The following EFL1 variants were observed in gnomAD, a reference collection of about 807,000 sequenced individuals.
The protein encoded by EFL1 is elongation factor like GTPase 1, also known as elongation factor-like GTPase 1.
In EFL1, 76 loss-of-function variants were observed where a neutral mutation model predicts 126.7. That is an observed-to-expected ratio of 0.60 (90% confidence interval 0.50 to 0.73). The LOEUF is 0.73. Among genes scored for constraint, EFL1 ranks in the 30% least tolerant of loss-of-function variants. The pLI, the probability that EFL1 is intolerant of heterozygous loss-of-function variation, is 0.00. For missense variants in EFL1, 1,128 were observed against 1,343.2 expected (o/e 0.84, Z 2.50); for synonymous variants, 410 against 448.4 (o/e 0.91, Z 1.08).
intron 3 of EFL1, among the ~76,000 whole-genome samples, chr15:82,258,444 A>C (rs1036419291): frequency 1.3e-5 from 2 of 152,116 alleles, no homozygotes; most frequent in African/African-American, 4.8e-5. Flanking sequence ...CCAGGTACCC[A>C]AGAGGCTGAG....
intron 8 of EFL1, among the ~76,000 whole-genome samples, chr15:82,229,358 T>G (rs1009742944): frequency 3.3e-5 from 5 of 152,188 alleles, no homozygotes; most frequent in African/African-American, 1.2e-4. Flanking sequence ...GTGGGTCATA[T>G]TACCATGGCT....
Position 82,241,360 on chromosome 15 carries a change from G to A in EFL1, c.288C>T (p.His96=), listed in dbSNP as rs1274107269. ...TTGATACTTCTGAGGAAAAGTCCAC[G>A]TGTCCTGGAGAGTCTATCAGATTGA... ...YLINLIDSPG[H]VDFSSEVSTA... is the part of the protein sequence containing the mutation. The change falls in exon 5 of 20, where the codon CAC becomes CAT. Residue 96 remains histidine, a synonymous_variant. Coordinates refer to ENST00000268206, the MANE Select transcript of EFL1 (RefSeq NM_024580.6). The A allele has an allele frequency of 1.1e-5, 17 of 1,613,870 alleles. No homozygotes were observed. Among genetic ancestry groups the A allele is most frequent in the Middle Eastern group, 1.6e-4 (1 of 6,080 alleles).
chr15:82,152,015 C>G lies in EFL1; in HGVS notation c.2439G>C (p.Gly813=). Residue 813 remains glycine (G), a synonymous_variant, in exon 18 of 20, where the codon GGG becomes GGC. Coordinates refer to ENST00000268206, the MANE Select transcript of EFL1 (RefSeq NM_024580.6). The part of the protein sequence containing the change: ...FKGKLEQHLT[G]RRWRNIVDQI... ...GGTCAACAATGTTCCTCCATCTTCT[C>G]CCTGTTAGGTGTTGCTCCAGTTTTC... 6.2e-7 allele frequency: 1 copy of G among 1,614,162 alleles called. No homozygotes were observed. The highest frequency in any genetic ancestry group is 8.5e-7 in the Non-Finnish European group (1 of 1,180,034).
intron 15 of EFL1, among the ~76,000 whole-genome samples, chr15:82,191,427 A>G (rs1294133138): frequency 6.6e-6 from 1 of 152,224 alleles, no homozygotes; most frequent in Non-Finnish European, 1.5e-5. Context: ...TTTGAAATAT[A>G]GAAGCTAAAA....
chr15:82,239,352 G>A (rs752987070), intron 6 of EFL1, among the ~76,000 whole-genome samples: 1 of 152,058 alleles, frequency 6.6e-6, no homozygotes, highest in Non-Finnish European at 1.5e-5. Flanking sequence ...TCGACAGGAT[G>A]GTCTCAATCT....
At chr15:82,176,322 G>T (rs150232184) in intron 15 of EFL1, among the ~76,000 whole-genome samples, 47 of 152,174 alleles carry the variant, frequency 3.1e-4, no homozygotes, top group African/African-American at 1.1e-3. Context: ...AGTCGTAAAA[G>T]AAAAAATTGA....
Position 82,163,921 on chromosome 15 carries a change from G to A in EFL1, c.1814C>T (p.Pro605Leu), listed in dbSNP as rs1317904588. ...SATLCSLPSCPPFIPLNFEAT... is the reference protein window; with the variant it reads ...SATLCSLPSCLPFIPLNFEAT... Reference sequence around the variant, plus strand: ...TTCGAAGTTGAGTGGTATAAATGGTGGGCAGGATGGCAGGCTACACAGTGT... The same window carrying A: ...TTCGAAGTTGAGTGGTATAAATGGTAGGCAGGATGGCAGGCTACACAGTGT... The change falls in exon 16 of 20, where the codon CCA becomes CTA. Residue 605 changes from proline to leucine, a missense_variant. Transcript: ENST00000268206. 6 of 1,614,110 alleles carry A rather than the reference G, an allele frequency of 3.7e-6. No homozygotes were observed. The highest frequency in any genetic ancestry group is 5.1e-6 in the Non-Finnish European group (6 of 1,180,002).
At chr15:82,227,956 C>T (rs2074781613) in intron 10 of EFL1, among the ~76,000 whole-genome samples, 1 of 152,062 alleles carries the variant, frequency 6.6e-6, no homozygotes, top group African/African-American at 2.4e-5. Context: ...TAAACAAACA[C>T]AAAAAGAATA....
chr15:82,142,650 C>T (rs754258464), intron 18 of EFL1, among the ~76,000 whole-genome samples: 3 of 152,178 alleles, frequency 2.0e-5, no homozygotes, highest in Non-Finnish European at 4.4e-5. Flanking sequence ...TTAATGACTA[C>T]ACTATAAATA....
chr15:82,227,488 A>G lies in EFL1; in HGVS notation c.1154T>C (p.Phe385Ser), dbSNP rs1385648098. 6.2e-7 allele frequency: 1 copy of G among 1,614,172 alleles called. No individual in the cohort carries two copies. The highest frequency in any genetic ancestry group is 1.6e-4 in the Middle Eastern group (1 of 6,062). Residue 385 changes from phenylalanine (F) to serine (S), a missense_variant, in exon 11 of 20, where the codon TTT becomes TCT. Coordinates refer to ENST00000268206, the MANE Select transcript of EFL1 (RefSeq NM_024580.6). The stretch of plus-strand genomic sequence containing the variant: ...TTGAGTTTCTGGTGGAAAAGAGTCA[A>G]AAGTTTGTGATCCTGTGCACATCAG... ...ERLMCTGSQTFDSFPPETQAL... is the reference protein window; with the variant it reads ...ERLMCTGSQTSDSFPPETQAL...
intron 17 of EFL1, among the ~76,000 whole-genome samples, chr15:82,156,146 C>A (rs956085860): frequency 6.6e-6 from 1 of 152,190 alleles, no homozygotes; most frequent in African/African-American, 2.4e-5. Flanking sequence ...CTTATACTAT[C>A]TTCTAAACAC....
At chr15:82,150,024 A>T (rs1595942920) in intron 18 of EFL1, among the ~76,000 whole-genome samples, 1 of 152,328 alleles carries the variant, frequency 6.6e-6, no homozygotes, top group Admixed American at 6.5e-5. Context: ...AGCATCTGAG[A>T]ATAGTCTAGA....
At chr15:82,131,910 G>T (rs2141204981) in intron 19 of EFL1, among the ~76,000 whole-genome samples, 1 of 151,960 alleles carries the variant, frequency 6.6e-6, no homozygotes, top group East Asian at 1.9e-4. Context: ...GAGAGATGGA[G>T]ATTAAAAAAA....
intron 15 of EFL1, among the ~76,000 whole-genome samples, chr15:82,185,085 T>C (rs1317407230): frequency 6.6e-6 from 1 of 152,104 alleles, no homozygotes; most frequent in Non-Finnish European, 1.5e-5. Context: ...AAAGTTAAGT[T>C]TTGACTATTT....
At chr15:82,151,421 G>T in intron 18 of EFL1, 44 bp downstream of exon 18, 1 of 1,529,290 alleles carries the variant, frequency 6.5e-7, no homozygotes, top group Non-Finnish European at 8.8e-7. Flanking sequence ...AGACTTCACT[G>T]TTATTCAGGG....
chr15:82,174,804 G>A (rs961579206), intron 15 of EFL1, among the ~76,000 whole-genome samples: 2 of 152,298 alleles, frequency 1.3e-5, no homozygotes, highest in South Asian at 2.1e-4. Flanking sequence ...TGCATCACCC[G>A]ATGCCACTCC....
intron 19 of EFL1, among the ~76,000 whole-genome samples, 165 bp from the exon 20 acceptor site, chr15:82,130,726 T>C (rs941441744): frequency 6.6e-6 from 1 of 152,178 alleles, no homozygotes; most frequent in Non-Finnish European, 1.5e-5. Context: ...CGGCAGGGTG[T>C]GGTGGCTCAC....
At chr15:82,253,445 A>G (rs1049301127) in intron 3 of EFL1, among the ~76,000 whole-genome samples, 1 of 151,998 alleles carries the variant, frequency 6.6e-6, no homozygotes, top group Admixed American at 6.5e-5. Context: ...AGGAACCATA[A>G]ATGTATTGAA....
chr15:82,223,538 T>C (rs950591236), intron 12 of EFL1, among the ~76,000 whole-genome samples: 18 of 152,218 alleles, frequency 1.2e-4, no homozygotes, highest in African/African-American at 4.1e-4. Flanking sequence ...AATAATACTA[T>C]TATTCATCAG....
Sources: gnomAD v4.1 joint callset for allele counts (sites outside exome capture counted in the v4.1 genomes callset) on GRCh38, gnomAD v4.1.1 for gene constraint, MANE v1.5 for transcripts, NCBI Gene and HGNC (gene_info 2026-07-23, HGNC 2026-07-21) for gene names.